TIAM2: variants seen among roughly 807,000 people sequenced by gnomAD.
TIAM2 encodes TIAM Rac1 associated GEF 2, also known as rho guanine nucleotide exchange factor TIAM2.
In TIAM2, 80 loss-of-function variants were observed where a neutral mutation model predicts 152.9. That is an observed-to-expected ratio of 0.52 (90% CI 0.44 to 0.63). The LOEUF (loss-of-function observed/expected upper bound fraction) is 0.63. Among genes scored for constraint, TIAM2 ranks in the 30% least tolerant of loss-of-function variants. The pLI, the probability that TIAM2 is intolerant of heterozygous loss-of-function variation, is 0.00. For missense variants in TIAM2, 1,965 were observed against 2,120.1 expected, an observed-to-expected ratio of 0.93 and a Z score of 1.44; for synonymous variants, 804 against 838.0, an observed-to-expected ratio of 0.96 and a Z score of 0.70.
chr6:155,227,999 G>C (rs987819400), intron 15 of TIAM2, among the ~76,000 whole-genome samples: 2 of 152,170 alleles, frequency 1.3e-5, no homozygotes, highest in African/African-American at 4.8e-5. Context: ...TCTATTTTTT[G>C]TTTCGTTTTC....
intron 1 of TIAM2, among the ~76,000 whole-genome samples, chr6:154,997,640 T>C (rs1778240547): frequency 7.4e-6 from 1 of 135,372 alleles, no homozygotes; most frequent in Admixed American, 7.4e-5. Context: ...TTTTTTTTTT[T>C]TTTTTTTTTT....
At chr6:155,032,640 A>G (rs1482053162) in intron 1 of TIAM2, among the ~76,000 whole-genome samples, 1 of 152,064 alleles carries the variant, frequency 6.6e-6, no homozygotes, top group Admixed American at 6.6e-5. Flanking sequence ...TCCCGGGTTC[A>G]AGCAATTCTC....
At chr6:155,215,100 T>C (rs1411899084) in intron 15 of TIAM2, among the ~76,000 whole-genome samples, 1 of 152,236 alleles carries the variant, frequency 6.6e-6, no homozygotes, top group Non-Finnish European at 1.5e-5. Flanking sequence ...TCGTCTCTTA[T>C]GATCTGCTTG....
intron 1 of TIAM2, among the ~76,000 whole-genome samples, chr6:155,029,612 TG>T: frequency 2.8e-5 from 2 of 72,102 alleles, no homozygotes; most frequent in African/African-American, 1.3e-4. Context: ...TATATAACTC[TG>T]TATATATGTA....
intron 15 of TIAM2, among the ~76,000 whole-genome samples, chr6:155,212,198 T>G (rs1443341066): frequency 6.6e-6 from 1 of 152,242 alleles, no homozygotes; most frequent in Non-Finnish European, 1.5e-5. Context: ...CGTGAATCCT[T>G]GTTTTCAGGC....
chr6:155,229,804 C>T (rs912300206), intron 15 of TIAM2, among the ~76,000 whole-genome samples: 13 of 152,098 alleles, frequency 8.5e-5, no homozygotes, highest in African/African-American at 3.1e-4. Flanking sequence ...ACTGGGGAGG[C>T]CTCACAATCA....
intron 1 of TIAM2, among the ~76,000 whole-genome samples, chr6:155,078,902 C>T (rs1778007212): frequency 6.6e-6 from 1 of 152,096 alleles, no homozygotes; most frequent in African/African-American, 2.4e-5. Flanking sequence ...ATATATCTTC[C>T]TCTAGTTTGA....
chr6:155,202,181 T>A (rs1781486042), intron 14 of TIAM2, among the ~76,000 whole-genome samples: 1 of 152,120 alleles, frequency 6.6e-6, no homozygotes, highest in African/African-American at 2.4e-5. Flanking sequence ...AACTCAAGAG[T>A]TACTTTTTTT....
intron 10 of TIAM2, 116 bp downstream of exon 10, chr6:155,177,093 A>G: frequency 2.2e-6 from 2 of 919,772 alleles, no homozygotes; most frequent in Non-Finnish European, 3.2e-6. Flanking sequence ...GCCAGGGAAC[A>G]TATTAGCATA....
chr6:155,056,910 T>C lies in TIAM2; in HGVS notation c.-208-33379T>C, dbSNP rs151188224. Among the ~76,000 whole-genome samples the C allele has an allele frequency of 2.7e-3, 408 of 151,834 alleles. 2 individuals carry two copies. Among genetic ancestry groups the C allele is most frequent in the African/African-American group, 9.0e-3 (372 of 41,496 alleles). Reference sequence around the variant, plus strand: ...ATATAGTCATCATATCTCCTTTGCCTCCTCTTAGCTGTGACAGTTTCTGAG... The same window carrying C: ...ATATAGTCATCATATCTCCTTTGCCCCCTCTTAGCTGTGACAGTTTCTGAG... On this transcript the variant is annotated intron_variant, in intron 1 of 26. Coordinates refer to ENST00000682666, the MANE Select transcript of TIAM2 (RefSeq NM_012454.4).
chr6:155,211,132 G>A (rs1781707480), intron 14 of TIAM2, 72 bp from the exon 15 acceptor site: 8 of 1,356,112 alleles, frequency 5.9e-6, no homozygotes, highest in African/African-American at 1.5e-5. Flanking sequence ...CTCCATGTGA[G>A]CCTTTAAACC....
intron 2 of TIAM2, 31 bp from the exon 3 acceptor site, chr6:155,127,459 C>T (rs891755638): frequency 9.4e-6 from 4 of 424,752 alleles, no homozygotes; most frequent in Non-Finnish European, 1.9e-5. Flanking sequence ...TAAAACGCTT[C>T]ACAGAGTTTT....
chr6:155,156,483 C>T lies in TIAM2; in HGVS notation c.2029-7932C>T, dbSNP rs1397356508. On this transcript the variant is annotated intron_variant, in intron 7 of 26. Coordinates refer to ENST00000682666, the MANE Select transcript of TIAM2 (RefSeq NM_012454.4). The surrounding 1 kb of genome is among the most constrained non-coding windows in gnomAD (Gnocchi z 4.4). ...TAGCCTGGCCAATGTGGTGAAACCC[C>T]GTCTCTACTAAAAATACAAAAATAA... is the stretch of plus-strand genomic sequence containing the variant. 6.6e-6 allele frequency among the ~76,000 whole-genome samples: 1 copy of T among 151,920 alleles called. No individual in the cohort carries two copies. Among genetic ancestry groups the T allele is most frequent in the African/African-American group, 2.4e-5 (1 of 41,342 alleles).
chr6:155,047,507 C>T (rs916637465), intron 1 of TIAM2, among the ~76,000 whole-genome samples: 14 of 152,104 alleles, frequency 9.2e-5, no homozygotes, highest in South Asian at 2.1e-4. Context: ...AAGCCTTAAA[C>T]GTGACTTAGT....
chr6:155,134,744 C>T (rs958736607), intron 4 of TIAM2, among the ~76,000 whole-genome samples: 5 of 151,952 alleles, frequency 3.3e-5, no homozygotes, highest in Non-Finnish European at 5.9e-5. Flanking sequence ...CTCGCTCTGT[C>T]GCCGAGGCTG....
chr6:155,056,671 A>T (rs1262697263), intron 1 of TIAM2, among the ~76,000 whole-genome samples: 1 of 152,130 alleles, frequency 6.6e-6, no homozygotes, highest in African/African-American at 2.4e-5. Flanking sequence ...GATTTACAGA[A>T]TTCTTGCAAA....
intron 5 of TIAM2, among the ~76,000 whole-genome samples, chr6:155,143,150 C>T (rs924530750): frequency 1.1e-4 from 16 of 152,220 alleles, no homozygotes; most frequent in African/African-American, 1.4e-4. Flanking sequence ...CATTGTTATT[C>T]GTATGCTGGA....
intron 1 of TIAM2, among the ~76,000 whole-genome samples, chr6:155,058,083 C>T (rs1777494255): frequency 6.6e-6 from 1 of 152,080 alleles, no homozygotes; most frequent in Non-Finnish European, 1.5e-5. Context: ...CTGACATACC[C>T]CTATCATTGT....
intron 1 of TIAM2, among the ~76,000 whole-genome samples, chr6:155,034,250 T>C (rs1776880390): frequency 6.7e-6 from 1 of 149,874 alleles, no homozygotes; most frequent in Admixed American, 6.6e-5. Context: ...CCATTGGTTT[T>C]TTTGTTTTTG....
Sources: allele counts gnomAD v4.1 joint callset (sites outside exome capture counted in the v4.1 genomes callset), GRCh38; gene constraint gnomAD v4.1.1; non-coding constraint Gnocchi (gnomAD v3.1); transcripts MANE v1.5; gene names NCBI Gene and HGNC (gene_info 2026-07-23, HGNC 2026-07-21).